SPTBN1: variants seen among roughly 807,000 people sequenced by gnomAD.
SPTBN1 encodes spectrin beta, non-erythrocytic 1.
SPTBN1 carries 32 observed loss-of-function variants against 266.4 expected under a neutral mutation model. The observed-to-expected ratio is 0.12, with a 90% CI of 0.09 to 0.16. SPTBN1 has a LOEUF of 0.16. Ranked by LOEUF, SPTBN1 falls within the 10% of genes least tolerant of loss-of-function variation. The pLI is 1.00. For synonymous variants in SPTBN1, 1,336 were observed against 1,162.2 expected (o/e 1.15, Z -3.04); for missense variants, 2,296 against 3,067.1 (o/e 0.75, Z 5.94).
In SPTBN1 at chr2:54,629,435, C is replaced by T. The variant is rs751662280; in HGVS notation, c.2301C>T (p.Val767=). ...DAWMLDILKI[V]SSSDVGHDEY... ...GGATGCTGGACATCCTCAAGATTGTCTCCAGCAGCGACGTGGGCCACGATG... is the reference window on the plus strand; with the variant it reads ...GGATGCTGGACATCCTCAAGATTGTTTCCAGCAGCGACGTGGGCCACGATG... The change falls in exon 14 of 36, where the codon GTC becomes GTT. Residue 767 remains valine, a synonymous_variant. Transcript: ENST00000356805. 4 of 1,614,166 alleles carry T rather than the reference C, an allele frequency of 2.5e-6. 1 individual carries two copies. In the South Asian group the frequency reaches 4.4e-5, roughly 18 times the overall value.
intron 1 of SPTBN1, among the ~76,000 whole-genome samples, chr2:54,485,374 G>A (rs1024171358): frequency 1.3e-5 from 2 of 152,200 alleles, no homozygotes; most frequent in Admixed American, 1.3e-4. Context: ...TATTTTTTTG[G>A]TGGAGACAGG....
In SPTBN1 at chr2:54,659,016, C is replaced by T. The variant is rs899481489; in HGVS notation, c.6244-138C>T. Reference sequence around the variant, plus strand: ...TTCCTGTGAACCTAATTCCATTTGGCTCAGGATGTTAGAGCTTCTTGTCCA... The same window carrying T: ...TTCCTGTGAACCTAATTCCATTTGGTTCAGGATGTTAGAGCTTCTTGTCCA... On this transcript the variant is annotated intron_variant, in intron 30 of 35. Coordinates refer to ENST00000356805, the MANE Select transcript of SPTBN1 (RefSeq NM_003128.3). 8.7e-6 allele frequency: 7 copies of T among 808,402 alleles called. No homozygotes were observed. In the Admixed American group the frequency reaches 1.1e-4, roughly 13 times the overall value. The allele number at this position is 808,402 out of a possible 1,614,324, so 50.1% of individuals were successfully genotyped here.
chr2:54,657,413 C>T (rs891034202), intron 29 of SPTBN1, among the ~76,000 whole-genome samples: 8 of 152,202 alleles, frequency 5.3e-5, no homozygotes, highest in Non-Finnish European at 8.8e-5. Flanking sequence ...TGTAGACCTG[C>T]GCTGAGCAGT....
intron 1 of SPTBN1, among the ~76,000 whole-genome samples, chr2:54,494,915 T>C (rs986173663): frequency 9.3e-6 from 1 of 107,840 alleles, no homozygotes; most frequent in South Asian, 3.1e-4. Flanking sequence ...GCTGTTTTTT[T>C]TTAAAAAAAA....
intron 1 of SPTBN1, among the ~76,000 whole-genome samples, chr2:54,477,863 A>T (rs1667915477): frequency 6.6e-6 from 1 of 151,938 alleles, no homozygotes. Flanking sequence ...GTGAGCCAAG[A>T]TCATGCCGCT....
chr2:54,587,867 C>T (rs948386992), intron 2 of SPTBN1, among the ~76,000 whole-genome samples: 15 of 152,256 alleles, frequency 9.9e-5, no homozygotes, highest in Admixed American at 2.6e-4. Flanking sequence ...CCGAGTTCAC[C>T]CTGTGACTGA....
intron 1 of SPTBN1, among the ~76,000 whole-genome samples, chr2:54,514,382 C>G (rs920138994): frequency 3.9e-5 from 6 of 151,946 alleles, no homozygotes; most frequent in African/African-American, 1.5e-4. Flanking sequence ...GAGTATAGAG[C>G]CTGGTTGAAT....
At chr2:54,506,158 AAT>A (rs1669544078) in intron 1 of SPTBN1, among the ~76,000 whole-genome samples, 2 of 150,842 alleles carry the variant, frequency 1.3e-5, no homozygotes, top group Non-Finnish European at 3.0e-5. Context: ...TAAATAAATA[AAT>A]AAAATCTGAA....
Position 54,653,447 on chromosome 2 carries a change from G to A in SPTBN1, c.5578-162G>A. On this transcript the variant is annotated intron_variant, in intron 26 of 35. Transcript: ENST00000356805. The surrounding 1 kb of genome is among the most constrained non-coding windows in gnomAD (Gnocchi z 5.1). ...AGATTTATAGAAAACGGGTTTTTGT[G>A]ACTTGGATCTCCCCAGTGAAATTGA... is the stretch of plus-strand genomic sequence containing the variant. 7.8e-6 allele frequency: 9 copies of A among 1,156,316 alleles called. No individual in the cohort carries two copies. Among genetic ancestry groups the A allele is most frequent in the Non-Finnish European group, 1.1e-5 (9 of 841,120 alleles). The allele number at this position is 1,156,316 out of a possible 1,614,324, so 71.6% of individuals were successfully genotyped here. A position where few individuals can be genotyped will look rare whatever the true frequency, so the allele number is the denominator to read the frequency against.
chr2:54,664,374 A>G lies in SPTBN1; in HGVS notation c.6421-79A>G. 2 of 1,418,628 alleles carry G rather than the reference A, an allele frequency of 1.4e-6. No individual in the cohort carries two copies. Among genetic ancestry groups the G allele is most frequent in the Non-Finnish European group, 1.9e-6 (2 of 1,026,278 alleles). 87.9% of individuals were successfully genotyped at this position (1,418,628 alleles called of 1,614,324 possible). ...GTGCCAGGCATTTATACACAGCCAC[A>G]TGTGCGAGTCAGGTAGAGCGTATGT... On this transcript the variant is annotated intron_variant, in intron 32 of 35. Coordinates refer to ENST00000356805, the MANE Select transcript of SPTBN1 (RefSeq NM_003128.3). The surrounding 1 kb of genome is among the most constrained non-coding windows in gnomAD (Gnocchi z 5.6).
At chr2:54,501,366 C>T (rs1669261290) in intron 1 of SPTBN1, among the ~76,000 whole-genome samples, 1 of 152,076 alleles carries the variant, frequency 6.6e-6, no homozygotes, top group African/African-American at 2.4e-5. Flanking sequence ...TGACAAATAC[C>T]AGACCAGTTG....
intron 2 of SPTBN1, among the ~76,000 whole-genome samples, chr2:54,576,289 G>A (rs1194078907): frequency 1.3e-5 from 2 of 151,868 alleles, no homozygotes; most frequent in African/African-American, 2.4e-5. Flanking sequence ...CCTAACCTCA[G>A]GTGATCCACC....
rs1671385822 is a variant in SPTBN1, at chr2:54,533,365, TG to T, written c.148+6800del. 6.9e-6 allele frequency among the ~76,000 whole-genome samples: 1 copy of T among 144,346 alleles called. No individual in the cohort carries two copies. The highest frequency in any genetic ancestry group is 2.5e-5 in the African/African-American group (1 of 40,522). 94.7% of individuals were successfully genotyped at this position (144,346 alleles called of 152,430 possible). On this transcript the variant is annotated intron_variant, in intron 2 of 35. Coordinates refer to ENST00000356805, the MANE Select transcript of SPTBN1 (RefSeq NM_003128.3). The surrounding 1 kb of genome is among the most constrained non-coding windows in gnomAD (Gnocchi z 4.2). Reference sequence around the variant, plus strand: ...AAGGGGACTAGTGTGTGTGTGTGTGTGTGTGTGTGTGTGTGTGTGTGTGTGT... The same window carrying T: ...AAGGGGACTAGTGTGTGTGTGTGTGTTGTGTGTGTGTGTGTGTGTGTGTGT...
intron 2 of SPTBN1, among the ~76,000 whole-genome samples, chr2:54,551,692 G>C (rs1325753758): frequency 1.3e-5 from 2 of 152,062 alleles, no homozygotes; most frequent in East Asian, 3.9e-4. Context: ...TTTCAGATTC[G>C]GCTGTATACT....
rs879055281 is a variant in SPTBN1, at chr2:54,664,516, A to G, written c.6484A>G (p.Lys2162Glu). Residue 2162 changes from lysine to glutamate, a missense_variant, in exon 33 of 36, where the codon AAA becomes GAA. Physicochemically the swap from Lys to Glu is moderately conservative, Grantham distance 56. Coordinates refer to ENST00000356805, the MANE Select transcript of SPTBN1 (RefSeq NM_003128.3). This position sits in a 1 kb window ranked among gnomAD's most constrained non-coding sequence, Gnocchi z 5.6. ...NGATEQRTSS[K>E]ESSPIPSPTS... The stretch of plus-strand genomic sequence containing the variant: ...CGCTACAGAACAAAGGACGAGCTCT[A>G]AAGAGTCCAGCCCCATCCCCTCCCC... 1 of 1,614,044 alleles carries G rather than the reference A, an allele frequency of 6.2e-7. No homozygotes were observed. Among genetic ancestry groups the G allele is most frequent in the African/African-American group, 1.3e-5 (1 of 74,916 alleles).
rs577502881 is a variant in SPTBN1 at position 54,540,505 on chromosome 2, T to C, written c.148+13939T>C. 38 of 152,356 alleles carry C rather than the reference T, an allele frequency of 2.5e-4. No individual in the cohort carries two copies. Among genetic ancestry groups the C allele is most frequent in the Admixed American group, 7.8e-4 (12 of 15,302 alleles). The allele number at this position is 152,356 out of a possible 1,614,324, so 9.4% of individuals were successfully genotyped here. Reference sequence around the variant, plus strand: ...ACCCTAAGGTTTTTACCCTTTTTGGTTAAAAGAACTAAAGCTAAAGATTTC... The same window carrying C: ...ACCCTAAGGTTTTTACCCTTTTTGGCTAAAAGAACTAAAGCTAAAGATTTC... On this transcript the variant is annotated intron_variant, in intron 2 of 35. Coordinates refer to ENST00000356805, the MANE Select transcript of SPTBN1 (RefSeq NM_003128.3). The surrounding 1 kb of genome is among the most constrained non-coding windows in gnomAD (Gnocchi z 5.6).
intron 4 of SPTBN1, 116 bp downstream of exon 4, chr2:54,612,450 GTC>G: frequency 8.2e-7 from 1 of 1,217,118 alleles, no homozygotes; most frequent in Non-Finnish European, 1.1e-6. Flanking sequence ...TTGAAAGCAT[GTC>G]TCAGAGTCAT....
intron 24 of SPTBN1, among the ~76,000 whole-genome samples, chr2:54,647,937 TAGTAA>T (rs1680026057): frequency 6.6e-6 from 1 of 152,232 alleles, no homozygotes; most frequent in African/African-American, 2.4e-5. Context: ...TCATCCAGTT[TAGTAA>T]AGTAATTACT....
rs528547742 is a variant in SPTBN1, at chr2:54,661,195, C to A, written c.6420+1196C>A. 5.1e-6 allele frequency: 5 copies of A among 985,552 alleles called. No individual in the cohort carries two copies. In the African/African-American group the frequency reaches 5.2e-5, roughly 10 times the overall value. The allele number at this position is 985,552 out of a possible 1,614,324, so 61.1% of individuals were successfully genotyped here. Reference sequence around the variant, plus strand: ...AGCTTTTAGGATGGTATCTATCAGGCCACCAGCAGGAATTGAAAATGTTTT... The same window carrying A: ...AGCTTTTAGGATGGTATCTATCAGGACACCAGCAGGAATTGAAAATGTTTT... On this transcript the variant is annotated intron_variant, in intron 32 of 35. Transcript: ENST00000356805.
Sources: gnomAD v4.1 joint callset for allele counts (sites outside exome capture counted in the v4.1 genomes callset) on GRCh38, gnomAD v4.1.1 for gene constraint, Gnocchi (gnomAD v3.1) non-coding constraint, MANE v1.5 for transcripts, NCBI Gene and HGNC (gene_info 2026-07-23, HGNC 2026-07-21) for gene names.